The following CADPS2 variants were observed in gnomAD, a reference collection of about 807,000 sequenced individuals.
CADPS2 encodes calcium-dependent secretion activator 2.
In CADPS2, 93 loss-of-function variants were observed where a neutral mutation model predicts 172.5. The observed-to-expected ratio is 0.54, with a 90% confidence interval of 0.46 to 0.64. CADPS2 has a LOEUF of 0.64. Among genes scored for constraint, CADPS2 ranks in the 30% least tolerant of loss-of-function variants. The probability of loss-of-function intolerance (pLI) is 0.00; values close to 1 mark genes in which losing one functional copy is unlikely to be tolerated. For missense variants in CADPS2, 1,420 were observed against 1,565.9 expected (o/e 0.91, Z 1.57); for synonymous variants, 546 against 555.2 (o/e 0.98, Z 0.23).
At chr7:122,841,197 C>T (rs940567233) in intron 1 of CADPS2, among the ~76,000 whole-genome samples, 2 of 152,008 alleles carry the variant, frequency 1.3e-5, no homozygotes, top group Admixed American at 6.6e-5. Context: ...TAAATCAAAA[C>T]TTAATCTCAA....
At chr7:122,879,509 TG>T (rs1227510000) in intron 1 of CADPS2, among the ~76,000 whole-genome samples, 1 of 151,616 alleles carries the variant, frequency 6.6e-6, no homozygotes, top group Non-Finnish European at 1.5e-5. Context: ...CACTCTAGCC[TG>T]GGCAACAGAG....
At chr7:122,838,577 A>T (rs1261856854) in intron 1 of CADPS2, among the ~76,000 whole-genome samples, 8 of 152,240 alleles carry the variant, frequency 5.3e-5, no homozygotes, top group Admixed American at 5.2e-4. Context: ...AACTTCAGCA[A>T]AGTCTCAGGA....
intron 2 of CADPS2, among the ~76,000 whole-genome samples, chr7:122,666,929 A>G (rs61030114): frequency 0.014 from 2,079 of 152,304 alleles, 49 homozygotes; most frequent in African/African-American, 0.047. Flanking sequence ...CTACTCTGCC[A>G]TGCAGTAAGA....
intron 3 of CADPS2, among the ~76,000 whole-genome samples, chr7:122,658,918 T>TAA (rs199711943): frequency 8.9e-4 from 132 of 147,950 alleles, no homozygotes; most frequent in East Asian, 3.5e-3. Flanking sequence ...TAATAATATG[T>TAA]AAAAAAAAAA....
At chr7:122,584,656 A>G (rs1039242623) in intron 6 of CADPS2, among the ~76,000 whole-genome samples, 1 of 151,864 alleles carries the variant, frequency 6.6e-6, no homozygotes, top group Non-Finnish European at 1.5e-5. Flanking sequence ...ATTAATTTTA[A>G]GCCTTTCTTC....
intron 1 of CADPS2, among the ~76,000 whole-genome samples, chr7:122,796,527 A>G (rs1429754137): frequency 6.6e-6 from 1 of 152,300 alleles, no homozygotes; most frequent in Middle Eastern, 3.4e-3. Context: ...ACATAAACCA[A>G]TGGAACAGCA....
chr7:122,483,049 C>T (rs1243205030), intron 11 of CADPS2, among the ~76,000 whole-genome samples: 2 of 152,134 alleles, frequency 1.3e-5, no homozygotes, highest in African/African-American at 2.4e-5. Context: ...GATGTTGGTC[C>T]AGAAATGGGG....
chr7:122,818,057 C>T (rs575320274), intron 1 of CADPS2, among the ~76,000 whole-genome samples: 4 of 150,444 alleles, frequency 2.7e-5, no homozygotes, highest in African/African-American at 9.8e-5. Context: ...CATGCCCCAA[C>T]CTCTTATCTC....
At chr7:122,732,501 A>G (rs891597484) in intron 2 of CADPS2, among the ~76,000 whole-genome samples, 3 of 150,374 alleles carry the variant, frequency 2.0e-5, no homozygotes, top group East Asian at 3.9e-4. Flanking sequence ...GAGTACAAAG[A>G]TATCTTTTCA....
chr7:122,358,369 T>C (rs1289854956), intron 27 of CADPS2, among the ~76,000 whole-genome samples: 3 of 152,100 alleles, frequency 2.0e-5, no homozygotes, highest in Admixed American at 1.3e-4. Context: ...TGGATACAAG[T>C]CCTTTATCAG....
intron 7 of CADPS2, among the ~76,000 whole-genome samples, chr7:122,556,313 G>A (rs1394168224): frequency 3.3e-5 from 5 of 152,176 alleles, no homozygotes; most frequent in South Asian, 2.1e-4. Context: ...AAAAGACTAA[G>A]ATAGATCTCT....
At chr7:122,503,316 G>A (rs1417320932) in intron 9 of CADPS2, among the ~76,000 whole-genome samples, 1 of 152,152 alleles carries the variant, frequency 6.6e-6, no homozygotes. Flanking sequence ...TTACAGGTGT[G>A]AGCCACTGTG....
intron 14 of CADPS2, among the ~76,000 whole-genome samples, chr7:122,463,324 A>ATT (rs11293067): frequency 1.4e-5 from 2 of 147,770 alleles, no homozygotes; most frequent in African/African-American, 2.5e-5. Flanking sequence ...ATATTCTTAG[A>ATT]TTTTTTTTTT....
At chr7:122,582,842 T>C (rs946315077) in intron 6 of CADPS2, among the ~76,000 whole-genome samples, 2 of 152,168 alleles carry the variant, frequency 1.3e-5, no homozygotes, top group Admixed American at 1.3e-4. Flanking sequence ...TAGGTTTCCA[T>C]AGAATTTGCT....
chr7:122,603,384 T>C (rs1563828940), intron 6 of CADPS2, among the ~76,000 whole-genome samples: 1 of 151,828 alleles, frequency 6.6e-6, no homozygotes, highest in East Asian at 1.9e-4. Context: ...AAACTCCTCC[T>C]GTAAATTTCC....
intron 2 of CADPS2, among the ~76,000 whole-genome samples, chr7:122,722,278 T>C (rs2090512113): frequency 6.6e-6 from 1 of 152,066 alleles, no homozygotes; most frequent in Non-Finnish European, 1.5e-5. Context: ...GACATGATTG[T>C]ATATCTAGAA....
intron 2 of CADPS2, chr7:122,699,057 T>G (rs1449357560): frequency 3.7e-5 from 23 of 628,958 alleles, no homozygotes; most frequent in Non-Finnish European, 5.5e-6. Flanking sequence ...TGTAAGAAAT[T>G]CTTAAAGATG....
At chr7:122,432,856 G>A (rs2050137146) in intron 17 of CADPS2, among the ~76,000 whole-genome samples, 1 of 151,704 alleles carries the variant, frequency 6.6e-6, no homozygotes, top group Non-Finnish European at 1.5e-5. Context: ...TCTTTCACAT[G>A]TAATTGATAT....
At chr7:122,685,680 T>C (rs903447545) in intron 2 of CADPS2, among the ~76,000 whole-genome samples, 1 of 152,252 alleles carries the variant, frequency 6.6e-6, no homozygotes, top group Non-Finnish European at 1.5e-5. Flanking sequence ...TATAACTACG[T>C]AGCACATGAC....
Sources: allele counts gnomAD v4.1 joint callset (sites outside exome capture counted in the v4.1 genomes callset), GRCh38; gene constraint gnomAD v4.1.1; transcripts MANE v1.5; gene names NCBI Gene and HGNC (gene_info 2026-07-23, HGNC 2026-07-21).